The following MIPOL1 variants were observed in gnomAD, a reference collection of about 807,000 sequenced individuals.
The protein encoded by MIPOL1 is mirror-image polydactyly gene 1 protein.
Under a neutral mutation model 60.9 loss-of-function variants are expected in MIPOL1, and 57 were observed. That is an observed-to-expected ratio of 0.94 (90% confidence interval 0.76 to 1.17). The LOEUF (loss-of-function observed/expected upper bound fraction) is 1.17, where lower values mean the gene tolerates loss of function less well. MIPOL1 is among the 50% of genes most tolerant of loss of function. The pLI is 0.00. For missense variants in MIPOL1, 551 were observed against 511.6 expected (o/e 1.08, Z -0.74); for synonymous variants, 179 against 168.8 (o/e 1.06, Z -0.47).
At chr14:37,326,668 TGCCGA>T (rs2089191989) in intron 9 of MIPOL1, among the ~76,000 whole-genome samples, 2 of 152,306 alleles carry the variant, frequency 1.3e-5, no homozygotes, top group South Asian at 4.1e-4. Context: ...AAATCCATGT[TGCCGA>T]GCCCTTGCAG....
At position 37,483,270 on chromosome 14, in the gene MIPOL1, G is replaced by A. The variant is rs377310515; in HGVS notation, c.1032-16638G>A. Among the ~76,000 whole-genome samples the A allele has an allele frequency of 1.1e-4, 16 of 151,184 alleles. No individual in the cohort carries two copies. The Middle Eastern group carries it at 0.014, about 129-fold the overall frequency. ...TGGGATTATGGGCTTATGCCACCAC[G>A]CCTGGCTAATTTTTTGTATTTTTTA... is the stretch of plus-strand genomic sequence containing the variant. On this transcript the variant is annotated intron_variant, in intron 11 of 12. Coordinates refer to ENST00000684589, the MANE Select transcript of MIPOL1 (RefSeq NM_001388067.1).
rs187156574 is a variant in MIPOL1, at chr14:37,397,670, C to T, written c.937-25185C>T. Among the ~76,000 whole-genome samples, 100 of 152,034 alleles carry T rather than the reference C, an allele frequency of 6.6e-4. 1 individual carries two copies. Among genetic ancestry groups the T allele is most frequent in the Admixed American group, 1.1e-3 (17 of 15,272 alleles). ...ACTCTCCTTGGGTAGGGGATCAGGG[C>T]GAGGTTCCCAGGTCAATGGAGTTGT... is the stretch of plus-strand genomic sequence containing the variant. On this transcript the variant is annotated intron_variant, in intron 10 of 12. Coordinates refer to ENST00000684589, the MANE Select transcript of MIPOL1 (RefSeq NM_001388067.1).
At chr14:37,451,239 C>G (rs2094412556) in intron 11 of MIPOL1, among the ~76,000 whole-genome samples, 1 of 152,086 alleles carries the variant, frequency 6.6e-6, no homozygotes, top group African/African-American at 2.4e-5. Flanking sequence ...TGTATCACCC[C>G]CTACTTCATC....
intron 1 of MIPOL1, among the ~76,000 whole-genome samples, chr14:37,211,513 C>A (rs1031006066): frequency 6.6e-6 from 1 of 152,144 alleles, no homozygotes; most frequent in Admixed American, 6.5e-5. Flanking sequence ...ACGGAGGGAA[C>A]ATTTAAAGCA....
Position 37,215,894 on chromosome 14 carries a change from C to T in MIPOL1, c.-199+17790C>T, listed in dbSNP as rs567129874. Among the ~76,000 whole-genome samples the T allele has an allele frequency of 7.9e-5, 12 of 151,962 alleles. No homozygotes were observed. The East Asian group carries it at 2.3e-3, about 29-fold the overall frequency. ...AGCAGCCTGGCCGATGTGGTGAAAC[C>T]CTGTCTCTAATAAAAATACAAAAAT... On this transcript the variant is annotated intron_variant, in intron 1 of 12. Transcript: ENST00000684589.
At chr14:37,544,953 G>A (rs1413736214) in intron 12 of MIPOL1, among the ~76,000 whole-genome samples, 2 of 152,200 alleles carry the variant, frequency 1.3e-5, no homozygotes, top group Non-Finnish European at 2.9e-5. Flanking sequence ...GGAGAAGCCA[G>A]AAGAAGCACA....
At chr14:37,520,156 C>A (rs2095402615) in intron 12 of MIPOL1, among the ~76,000 whole-genome samples, 1 of 152,064 alleles carries the variant, frequency 6.6e-6, no homozygotes, top group Non-Finnish European at 1.5e-5. Context: ...ATTACTTTTA[C>A]TTTGTAGGCC....
intron 12 of MIPOL1, among the ~76,000 whole-genome samples, chr14:37,509,550 T>A (rs939685103): frequency 3.3e-5 from 5 of 151,860 alleles, no homozygotes; most frequent in African/African-American, 1.2e-4. Context: ...AGCACGTTTC[T>A]ACAGTTTCTC....
intron 10 of MIPOL1, among the ~76,000 whole-genome samples, chr14:37,396,574 A>T (rs977917776): frequency 8.6e-5 from 13 of 152,024 alleles, no homozygotes; most frequent in African/African-American, 3.1e-4. Flanking sequence ...ATGTTTTCCA[A>T]ACTTTTAGAT....
At chr14:37,448,126 CT>C (rs1481941959) in intron 11 of MIPOL1, among the ~76,000 whole-genome samples, 1 of 152,176 alleles carries the variant, frequency 6.6e-6, no homozygotes, top group East Asian at 1.9e-4. Flanking sequence ...AAATATTTCT[CT>C]CCAAAACTGT....
intron 11 of MIPOL1, among the ~76,000 whole-genome samples, chr14:37,497,497 A>G (rs1172081852): frequency 6.6e-6 from 1 of 152,242 alleles, no homozygotes; most frequent in African/African-American, 2.4e-5. Context: ...CATTAAAGAA[A>G]CAATGATAAA....
chr14:37,261,141 T>C (rs1239142540), intron 3 of MIPOL1, among the ~76,000 whole-genome samples: 1 of 152,102 alleles, frequency 6.6e-6, no homozygotes, highest in African/African-American at 2.4e-5. Context: ...TTAACCATCT[T>C]AAGTATTTTC....
At chr14:37,396,013 G>T (rs1400099834) in intron 10 of MIPOL1, among the ~76,000 whole-genome samples, 1 of 151,972 alleles carries the variant, frequency 6.6e-6, no homozygotes, top group Non-Finnish European at 1.5e-5. Context: ...TTCAATGTTA[G>T]TACTGAGATG....
chr14:37,485,649 A>G (rs1039663156), intron 11 of MIPOL1, among the ~76,000 whole-genome samples: 1 of 152,054 alleles, frequency 6.6e-6, no homozygotes, highest in Admixed American at 6.5e-5. Context: ...GTTTCTGTTC[A>G]TATCCTTTGC....
chr14:37,264,551 C>T (rs1358316281), intron 3 of MIPOL1, among the ~76,000 whole-genome samples: 1 of 151,910 alleles, frequency 6.6e-6, no homozygotes, highest in Non-Finnish European at 1.5e-5. Context: ...TTGCTTAAGC[C>T]CGGGAGGTCA....
At chr14:37,319,017 T>A (rs2088260753) in intron 9 of MIPOL1, among the ~76,000 whole-genome samples, 1 of 152,016 alleles carries the variant, frequency 6.6e-6, no homozygotes, top group Non-Finnish European at 1.5e-5. Flanking sequence ...TTTTTTGTAT[T>A]TTTTGTAGAG....
At chr14:37,478,080 T>C (rs2094805540) in intron 11 of MIPOL1, among the ~76,000 whole-genome samples, 1 of 152,208 alleles carries the variant, frequency 6.6e-6, no homozygotes, top group Non-Finnish European at 1.5e-5. Flanking sequence ...GTGTGAAATG[T>C]CTTGCAAAAG....
chr14:37,468,749 A>G (rs555288300), intron 11 of MIPOL1, among the ~76,000 whole-genome samples: 1 of 152,288 alleles, frequency 6.6e-6, no homozygotes, highest in South Asian at 2.1e-4. Flanking sequence ...TCTGAGTACT[A>G]TGGGAGAACA....
chr14:37,464,260 C>A (rs1450905098), intron 11 of MIPOL1, among the ~76,000 whole-genome samples: 1 of 151,732 alleles, frequency 6.6e-6, no homozygotes, highest in Non-Finnish European at 1.5e-5. Context: ...ACTGGATAAT[C>A]TACCCAAAGA....
Sources: allele counts gnomAD v4.1 joint callset (sites outside exome capture counted in the v4.1 genomes callset), GRCh38; gene constraint gnomAD v4.1.1; transcripts MANE v1.5; gene names NCBI Gene and HGNC (gene_info 2026-07-23, HGNC 2026-07-21).